Variants in GGA1 observed in about 807,000 individuals in gnomAD.
The protein encoded by GGA1 is ADP-ribosylation factor-binding protein GGA1.
A neutral mutation model predicts 76.9 loss-of-function variants in GGA1; 18 were observed. The ratio of observed to expected loss-of-function variants is 0.23; its 90% CI spans 0.16 to 0.35. GGA1 has a LOEUF of 0.35. Ranked by LOEUF, GGA1 falls within the 10% of genes least tolerant of loss-of-function variation. GGA1 has a pLI of 1.00. For missense variants in GGA1, 755 were observed against 859.0 expected, an observed-to-expected ratio of 0.88 and a Z score of 1.51; for synonymous variants, 342 against 354.7, an observed-to-expected ratio of 0.96 and a Z score of 0.40.
At position 37,626,480 on chromosome 22, in the gene GGA1, A is replaced by AT. The variant is rs558631153; in HGVS notation, c.1093+531_1093+532insT. On this transcript the variant is annotated intron_variant, in intron 11 of 16. Transcript: ENST00000343632. Reference sequence around the variant, plus strand: ...CCAGGCTTCCCCGGGGGGAAGCAGCAAAGCGTTCCCAGCTGCCCAAACCAT... The same window carrying AT: ...CCAGGCTTCCCCGGGGGGAAGCAGCATAAGCGTTCCCAGCTGCCCAAACCAT... 2.0e-5 allele frequency: 3 copies of AT among 152,364 alleles called. No individual in the cohort carries two copies. In the East Asian group the frequency reaches 5.8e-4, roughly 29 times the overall value. The allele number at this position is 152,364 out of a possible 1,614,324, so 9.4% of individuals were successfully genotyped here.
Position 37,623,480 on chromosome 22 carries a change from C to G in GGA1, c.750+13C>G. The G allele has an allele frequency of 5.0e-6, 8 of 1,613,770 alleles. No individual in the cohort carries two copies. Among genetic ancestry groups the G allele is most frequent in the Non-Finnish European group, 6.8e-6 (8 of 1,179,776 alleles). Reference sequence around the variant, plus strand: ...GGACCTCATGAAGGTGCACCTGCCTCCCTGCCTACCCCACTCCCTGCCCAC... The same window carrying G: ...GGACCTCATGAAGGTGCACCTGCCTGCCTGCCTACCCCACTCCCTGCCCAC... On this transcript the variant is annotated intron_variant, in intron 8 of 16. Transcript: ENST00000343632. The surrounding 1 kb of genome is among the most constrained non-coding windows in gnomAD (Gnocchi z 4.6).
chr22:37,627,285 T>C (rs995547282), intron 11 of GGA1: 2 of 152,264 alleles, frequency 1.3e-5, no homozygotes, highest in Non-Finnish European at 2.9e-5. Flanking sequence ...TCTGACTCGT[T>C]GTTCATAAGC....
intron 1 of GGA1, among the ~76,000 whole-genome samples, chr22:37,612,098 G>A (rs985322916): frequency 2.0e-5 from 3 of 152,046 alleles, no homozygotes; most frequent in African/African-American, 7.2e-5. Context: ...TGAGATTGCA[G>A]TGAGCCGAGA....
At chr22:37,616,875 C>T in intron 2 of GGA1, 47 bp from the exon 3 acceptor site, 2 of 1,543,798 alleles carry the variant, frequency 1.3e-6, no homozygotes, top group Non-Finnish European at 1.7e-6. Flanking sequence ...CCTAGGGTGA[C>T]CGGGACTCCG....
Position 37,618,458 on chromosome 22 carries a change from C to G in GGA1, c.215C>G (p.Thr72Arg), listed in dbSNP as rs1272331840. 3 of 1,609,202 alleles carry G rather than the reference C, an allele frequency of 1.9e-6. No homozygotes were observed. Among genetic ancestry groups the G allele is most frequent in the Non-Finnish European group, 2.6e-6 (3 of 1,175,742 alleles). ...EAIQALTVLETCMKSCGKRFH... is the reference protein window; with the variant it reads ...EAIQALTVLERCMKSCGKRFH... ...CCCCTCCCTGCACAGGTGCTGGAAA[C>G]ATGCATGAAGAGCTGCGGCAAGCGG... Residue 72 changes from threonine (T) to arginine (R), a missense_variant, in exon 4 of 17, where the codon ACA (threonine) becomes AGA (arginine). Physicochemically the swap from Thr to Arg is moderately conservative, Grantham distance 71. Transcript: ENST00000343632.
At chr22:37,610,505 CTATTTTTG>C (rs747356003) in intron 1 of GGA1, 1 of 152,198 alleles carries the variant, frequency 6.6e-6, no homozygotes, top group Non-Finnish European at 1.5e-5. Context: ...CCACGCCCAG[CTATTTTTG>C]TATTTTTAGT....
intron 1 of GGA1, among the ~76,000 whole-genome samples, chr22:37,609,555 C>CA (rs1452403613): frequency 6.6e-6 from 1 of 152,198 alleles, no homozygotes; most frequent in African/African-American, 2.4e-5. Flanking sequence ...CCTCAGTCTC[C>CA]AAGATGCCTT....
Position 37,620,241 on chromosome 22 carries a change from C to T in GGA1, c.307C>T (p.Leu103=), listed in dbSNP as rs1929634737. Reference sequence around the variant, plus strand: ...CCTCCCCACTGTGTCCCTGAAGTATCTGGGCTCTCGGACATCGGAGAAGGT... The same window carrying T: ...CCTCCCCACTGTGTCCCTGAAGTATTTGGGCTCTCGGACATCGGAGAAGGT... The part of the protein sequence containing the change: ...ELIKVVSPKY[L]GSRTSEKVKN... Residue 103 remains leucine, a synonymous_variant, in exon 5 of 17, where the codon CTG becomes TTG. Transcript: ENST00000343632. 3.1e-6 allele frequency: 5 copies of T among 1,614,008 alleles called. No individual in the cohort carries two copies. Among genetic ancestry groups the T allele is most frequent in the Non-Finnish European group, 4.2e-6 (5 of 1,179,936 alleles).
intron 1 of GGA1, 124 bp from the exon 2 acceptor site, chr22:37,614,066 A>C: frequency 1.4e-6 from 1 of 712,750 alleles, no homozygotes; most frequent in African/African-American, 1.7e-5. Flanking sequence ...AGGCAGGGGG[A>C]GAGCTTTCCC....
Position 37,625,034 on chromosome 22 carries a change from G to A in GGA1, c.898G>A (p.Gly300Ser), listed in dbSNP as rs1167680992. ...CAACCTGTATAAGCAGCTGGTGCGG[G>A]GTGAGGAGGTCAACGGTGATGCCAC... is the stretch of plus-strand genomic sequence containing the variant. Reference protein sequence around the residue: ...VINLYKQLVRGEEVNGDATAG... With the variant: ...VINLYKQLVRSEEVNGDATAG... Residue 300 changes from glycine to serine, a missense_variant, in exon 10 of 17, where the codon GGT becomes AGT. Gly to Ser is a moderately conservative substitution (Grantham distance 56). Coordinates refer to ENST00000343632, the MANE Select transcript of GGA1 (RefSeq NM_013365.5). This position sits in a 1 kb window ranked among gnomAD's most constrained non-coding sequence, Gnocchi z 4.1. 2 of 1,601,808 alleles carry A rather than the reference G, an allele frequency of 1.2e-6. No individual in the cohort carries two copies. The highest frequency in any genetic ancestry group is 1.7e-6 in the Non-Finnish European group (2 of 1,174,924).
At position 37,608,917 on chromosome 22, in the gene GGA1, A is replaced by T. The variant is rs1601481910; in HGVS notation, c.43+14A>T. 2 of 1,296,526 alleles carry T rather than the reference A, an allele frequency of 1.5e-6. No individual in the cohort carries two copies. Among genetic ancestry groups the T allele is most frequent in the South Asian group, 2.1e-5 (1 of 47,494 alleles). The allele number at this position is 1,296,526 out of a possible 1,614,324, so 80.3% of individuals were successfully genotyped here. On this transcript the variant is annotated intron_variant, in intron 1 of 16. Transcript: ENST00000343632. ...AGGCGCGAATCAGTGAGTGTCCGGG[A>T]GGGGCGCGGGCCGGACCGGAACCGG...
intron 1 of GGA1, chr22:37,609,433 C>T: frequency 1.6e-6 from 1 of 608,544 alleles, no homozygotes. Context: ...CCCGCCGCTC[C>T]TAGTCTCTAG....
chr22:37,620,587 T>A (rs371782069), intron 5 of GGA1, among the ~76,000 whole-genome samples: 1 of 152,098 alleles, frequency 6.6e-6, no homozygotes, highest in Admixed American at 6.5e-5. Flanking sequence ...CAAAGAGTGG[T>A]CTCCAGGGAG....
chr22:37,618,732 G>A (rs940727083), intron 4 of GGA1, among the ~76,000 whole-genome samples, 186 bp downstream of exon 4: 1 of 152,162 alleles, frequency 6.6e-6, no homozygotes, highest in Non-Finnish European at 1.5e-5. Flanking sequence ...CCTGATTCTG[G>A]GACAGCCTGG....
At chr22:37,631,584 G>A (rs1239730368) in intron 14 of GGA1, among the ~76,000 whole-genome samples, 1 of 152,186 alleles carries the variant, frequency 6.6e-6, no homozygotes, top group Non-Finnish European at 1.5e-5. Flanking sequence ...CCCCCACAGT[G>A]TCTCCCAGCA....
In GGA1 at chr22:37,614,113, C is replaced by T. The variant is rs1405140636; in HGVS notation, c.44-77C>T. ...CACACTCCTCTCCCACTCCTGACCA[C>T]ACCTTTGCCAGGGTCAGGAGTGGAA... is the stretch of plus-strand genomic sequence containing the variant. On this transcript the variant is annotated intron_variant, in intron 1 of 16. Coordinates refer to ENST00000343632, the MANE Select transcript of GGA1 (RefSeq NM_013365.5). 4 of 987,042 alleles carry T rather than the reference C, an allele frequency of 4.1e-6. No homozygotes were observed. The African/African-American group carries it at 4.8e-5, about 12-fold the overall frequency. 61.1% of individuals were successfully genotyped at this position (987,042 alleles called of 1,614,324 possible). A position where few individuals can be genotyped will look rare whatever the true frequency, so the allele number is the denominator to read the frequency against.
At position 37,630,936 on chromosome 22, in the gene GGA1, C is replaced by A. The variant is rs772879217; in HGVS notation, c.1365C>A (p.Leu455=). ...AGCAGCCAACCCCCCGGCTCACACT[C>A]CGGGACCTGCAGAATAAGAGCAGCA... The part of the protein sequence containing the change: ...EKQQPTPRLT[L]RDLQNKSSSC... The change falls in exon 14 of 17, where the codon CTC becomes CTA. Residue 455 remains leucine (L), a synonymous_variant. Transcript: ENST00000343632. 3.7e-6 allele frequency: 6 copies of A among 1,613,062 alleles called. No individual in the cohort carries two copies. In the Admixed American group the frequency reaches 1.0e-4, roughly 27 times the overall value.
chr22:37,615,576 C>T (rs1189823805), intron 2 of GGA1, among the ~76,000 whole-genome samples: 2 of 151,774 alleles, frequency 1.3e-5, no homozygotes, highest in African/African-American at 2.4e-5. Context: ...CCATCCTGGC[C>T]AACATGGTGA....
At position 37,625,955 on chromosome 22, in the gene GGA1, G is replaced by A. The variant is rs780051516; in HGVS notation, c.1093+6G>A. The stretch of plus-strand genomic sequence containing the variant: ...CGACGAGCTCATGTCTCTGGGTGAG[G>A]AAGGGGCCAGGCCTGGAGGAGGGCG... On this transcript the variant is annotated splice_donor_region_variant and intron_variant, in intron 11 of 16. Transcript: ENST00000343632. The surrounding 1 kb of genome is among the most constrained non-coding windows in gnomAD (Gnocchi z 4.1). The A allele has an allele frequency of 1.3e-6, 2 of 1,586,436 alleles. No individual in the cohort carries two copies. Among genetic ancestry groups the A allele is most frequent in the Non-Finnish European group, 1.7e-6 (2 of 1,167,458 alleles).
Sources: allele counts gnomAD v4.1 joint callset (sites outside exome capture counted in the v4.1 genomes callset), GRCh38; gene constraint gnomAD v4.1.1; non-coding constraint Gnocchi (gnomAD v3.1); transcripts MANE v1.5; gene names NCBI Gene and HGNC (gene_info 2026-07-23, HGNC 2026-07-21).